Variants in CFAP74 observed in about 807,000 individuals in gnomAD.
CFAP74 encodes the protein cilia- and flagella-associated protein 74.
A neutral mutation model predicts 188.9 loss-of-function variants in CFAP74; 124 were observed. The ratio of observed to expected loss-of-function variants is 0.66; its 90% confidence interval spans 0.57 to 0.76. CFAP74 has a LOEUF of 0.76. CFAP74 is among the 30% of genes least tolerant of loss of function. CFAP74 has a pLI of 0.00. For missense variants in CFAP74, 2,198 were observed against 2,165.2 expected (o/e 1.02, Z -0.30); for synonymous variants, 956 against 916.7 (o/e 1.04, Z -0.77).
chr1:1,931,126 T>A (rs912847678), intron 25 of CFAP74, among the ~76,000 whole-genome samples: 1 of 152,220 alleles, frequency 6.6e-6, no homozygotes, highest in Non-Finnish European at 1.5e-5. Flanking sequence ...AGGCTCTAAA[T>A]GCTTTAAAAA....
rs1651449682 is a variant in CFAP74, at chr1:1,922,363, G to A, written c.4844C>T (p.Ala1615Val). The change falls in exon 39 of 39, where the codon GCC becomes GTC. Residue 1615 changes from alanine (A) to valine (V), a missense_variant. Ala to Val is a moderately conservative substitution (Grantham distance 64). Transcript: ENST00000682832. ...FDPDHPLMVS[A>V]LLQLRGDVKE... The stretch of plus-strand genomic sequence containing the variant: ...CACATCCCCCCTTAGCTGCAGCAGG[G>A]CCGACACCATGAGTGGGTGGTCTGG... 1 of 1,600,710 alleles carries A rather than the reference G, an allele frequency of 6.2e-7. No homozygotes were observed. The highest frequency in any genetic ancestry group is 1.4e-5 in the African/African-American group (1 of 74,030).
intron 10 of CFAP74, among the ~76,000 whole-genome samples, chr1:1,969,791 GGC>G (rs1266117955): frequency 6.6e-6 from 1 of 152,092 alleles, no homozygotes; most frequent in Non-Finnish European, 1.5e-5. Flanking sequence ...AGGGCTCTGT[GGC>G]ACCCAGAGGA....
chr1:1,964,828 G>C, intron 13 of CFAP74, 60 bp downstream of exon 13: 3 of 1,586,604 alleles, frequency 1.9e-6, no homozygotes, highest in Non-Finnish European at 2.6e-6. Flanking sequence ...GGCTGCGGCA[G>C]GGCTCCCCTG....
chr1:1,944,480 C>G, intron 20 of CFAP74, 28 bp from the exon 21 acceptor site: 1 of 1,533,350 alleles, frequency 6.5e-7, no homozygotes, highest in Non-Finnish European at 8.7e-7. Flanking sequence ...AGCTCAGCAA[C>G]AGGAGTTCCT....
Position 1,956,744 on chromosome 1 carries a change from A to C in CFAP74, c.1892T>G (p.Val631Gly), listed in dbSNP as rs752888770. Residue 631 changes from valine (V) to glycine (G), a missense_variant, in exon 17 of 39, where the codon GTG becomes GGG. Val to Gly is a moderately radical substitution (Grantham distance 109). Transcript: ENST00000682832. ...GGTCCGAGACGTGGTCTCTCCTACCACGTAGCTGCCGAAGTCAATGAGCTC... is the reference window on the plus strand; with the variant it reads ...GGTCCGAGACGTGGTCTCTCCTACCCCGTAGCTGCCGAAGTCAATGAGCTC... ...DKELIDFGSYVVGETTSRTIT... is the reference protein window; with the variant it reads ...DKELIDFGSYGVGETTSRTIT... 1 of 1,613,696 alleles carries C rather than the reference A, an allele frequency of 6.2e-7. No individual in the cohort carries two copies. The highest frequency in any genetic ancestry group is 1.1e-5 in the South Asian group (1 of 91,004).
chr1:1,993,538 G>A (rs1245570159), intron 1 of CFAP74, among the ~76,000 whole-genome samples: 1 of 151,730 alleles, frequency 6.6e-6, no homozygotes, highest in Non-Finnish European at 1.5e-5. Context: ...CACCTGCCTT[G>A]GCCTTCCCAA....
rs768039357 is a variant in CFAP74 at position 1,974,078 on chromosome 1, G to A, written c.621C>T (p.Cys207=). Residue 207 remains cysteine (C), a synonymous_variant, in exon 7 of 39, where the codon TGC becomes TGT. Transcript: ENST00000682832. The part of the protein sequence containing the change: ...RLQVRAAEQL[C]REQEALGKVE... ...CCTTCCCCAGGGCCTCCTGCTCTCT[G>A]CAGAGCTGCTCGGCTGCGCGCACCT... The A allele has an allele frequency of 6.8e-6, 11 of 1,611,374 alleles. No individual in the cohort carries two copies. The highest frequency in any genetic ancestry group is 1.3e-5 in the African/African-American group (1 of 74,910).
At chr1:1,951,773 A>G (rs1654215764) in intron 18 of CFAP74, among the ~76,000 whole-genome samples, 1 of 152,208 alleles carries the variant, frequency 6.6e-6, no homozygotes, top group Non-Finnish European at 1.5e-5. Context: ...CCTACAGTAT[A>G]GAAAATCTGC....
chr1:1,996,016 A>G (rs1657897143), intron 1 of CFAP74, among the ~76,000 whole-genome samples: 1 of 151,994 alleles, frequency 6.6e-6, no homozygotes, highest in Non-Finnish European at 1.5e-5. Flanking sequence ...GCAGAGTCTC[A>G]CTCTGTCGCC....
chr1:1,930,433 G>T, intron 25 of CFAP74, 97 bp from the exon 26 acceptor site: 2 of 1,264,006 alleles, frequency 1.6e-6, no homozygotes, highest in Non-Finnish European at 2.1e-6. Flanking sequence ...AAGCCCCGGG[G>T]GGGGCTCACA....
intron 14 of CFAP74, among the ~76,000 whole-genome samples, chr1:1,962,491 AAAAG>A (rs2102068126): frequency 6.6e-6 from 1 of 151,940 alleles, no homozygotes; most frequent in East Asian, 1.9e-4. Flanking sequence ...AAAAAAAAAA[AAAAG>A]TAAGTTACTA....
At chr1:1,981,438 C>T (rs949543066) in intron 6 of CFAP74, among the ~76,000 whole-genome samples, 67 of 147,434 alleles carry the variant, frequency 4.5e-4, no homozygotes, top group Middle Eastern at 6.9e-3. Flanking sequence ...CACCCAGCCG[C>T]GGACAGACAC....
rs756798360 is a variant in CFAP74, at chr1:1,926,300, G to A, written c.3876C>T (p.Asn1292=). 2.6e-6 allele frequency: 4 copies of A among 1,547,234 alleles called. No homozygotes were observed. The South Asian group carries it at 4.8e-5, about 19-fold the overall frequency. Residue 1292 remains asparagine (N), a synonymous_variant, in exon 32 of 39, where the codon AAC becomes AAT. Transcript: ENST00000682832. ...CACCTGCACGCAGCAGGCTGGAGTG[G>A]TTCAGCAGGACAAAGGGGCCGTTGG... ...LNPNGPFVLL[N]HSSLLRAGGT...
At chr1:1,935,867 T>TACAC (rs35582265) in intron 25 of CFAP74, among the ~76,000 whole-genome samples, 79 of 147,882 alleles carry the variant, frequency 5.3e-4, no homozygotes, top group African/African-American at 1.1e-3. Context: ...TTTTCAGCAC[T>TACAC]ACACACACAC....
At chr1:1,978,440 C>T (rs960601817) in intron 6 of CFAP74, among the ~76,000 whole-genome samples, 5 of 151,500 alleles carry the variant, frequency 3.3e-5, no homozygotes, top group Non-Finnish European at 5.9e-5. Context: ...GGGTTTGGGG[C>T]GGTGGTTAAT....
chr1:1,926,344 C>A lies in CFAP74; in HGVS notation c.3832G>T (p.Asp1278Tyr). ...QNVSPEDLAL[D>Y]FSLLNPNGPF... ...CCGTTGGGGTTCAGCAGGGAGAAGT[C>A]CAGCTGAGGGTCCACGTCAAGGAGG... Residue 1278 changes from aspartate (D) to tyrosine (Y), a missense_variant, in exon 32 of 39, where the codon GAC becomes TAC. By Grantham distance (160) the Asp-to-Tyr change is radical. Transcript: ENST00000682832. 6.5e-7 allele frequency: 1 copy of A among 1,548,446 alleles called. No individual in the cohort carries two copies.
chr1:1,992,720 T>G (rs1657660757), intron 1 of CFAP74, among the ~76,000 whole-genome samples: 1 of 150,758 alleles, frequency 6.6e-6, no homozygotes, highest in African/African-American at 2.4e-5. Context: ...GTGACCCACC[T>G]GTCTCGGCCT....
At chr1:1,977,564 GA>G (rs1490044101) in intron 6 of CFAP74, among the ~76,000 whole-genome samples, 1 of 151,590 alleles carries the variant, frequency 6.6e-6, no homozygotes, top group East Asian at 1.9e-4. Flanking sequence ...CAGAGGAGAA[GA>G]ATGTAGCCAA....
chr1:1,983,062 A>G lies in CFAP74; in HGVS notation c.500+2324T>C, dbSNP rs28667155. On this transcript the variant is annotated intron_variant, in intron 6 of 38. Coordinates refer to ENST00000682832, the MANE Select transcript of CFAP74 (RefSeq NM_001304360.2). ...CCGCCAAACGCAAGGCGGCTGGAGC[A>G]CCCAGACCAATCCTGATGGGCCGGA... 4.3e-3 allele frequency among the ~76,000 whole-genome samples: 652 copies of G among 152,298 alleles called. 3 individuals are homozygous for G. The highest frequency in any genetic ancestry group is 0.015 in the African/African-American group (622 of 41,574).
Sources: allele counts gnomAD v4.1 joint callset (sites outside exome capture counted in the v4.1 genomes callset), GRCh38; gene constraint gnomAD v4.1.1; transcripts MANE v1.5; gene names NCBI Gene and HGNC (gene_info 2026-07-23, HGNC 2026-07-21).